The following COL22A1 variants were observed in gnomAD, a reference collection of about 807,000 sequenced individuals.
COL22A1 encodes the protein collagen alpha-1(XXII) chain.
In COL22A1, 221 loss-of-function variants were observed where a neutral mutation model predicts 248.9. That is an observed-to-expected ratio of 0.89 (90% CI 0.80 to 0.99). The LOEUF is 0.99. COL22A1 is among the 50% of genes least tolerant of loss of function. COL22A1 has a pLI of 0.00. For missense variants in COL22A1, 2,240 were observed against 2,179.0 expected (o/e 1.03, Z -0.56); for synonymous variants, 891 against 793.4 (o/e 1.12, Z -2.07).
intron 30 of COL22A1, among the ~76,000 whole-genome samples, chr8:138,714,230 CGT>C (rs1586546480): frequency 1.3e-5 from 2 of 152,112 alleles, no homozygotes; most frequent in Non-Finnish European, 1.5e-5. Flanking sequence ...GTAGGTTAGG[CGT>C]GTATCAAAAT....
intron 3 of COL22A1, among the ~76,000 whole-genome samples, chr8:138,868,614 G>C (rs1013576770): frequency 6.6e-6 from 1 of 152,184 alleles, no homozygotes; most frequent in Non-Finnish European, 1.5e-5. Flanking sequence ...TACATCATGT[G>C]TGTAAATGTA....
intron 12 of COL22A1, among the ~76,000 whole-genome samples, chr8:138,791,033 T>A (rs1410081898): frequency 6.6e-6 from 1 of 152,210 alleles, no homozygotes; most frequent in African/African-American, 2.4e-5. Context: ...CCTTTTACAA[T>A]GAAATCAATC....
intron 3 of COL22A1, among the ~76,000 whole-genome samples, chr8:138,873,867 G>T (rs959557217): frequency 6.6e-6 from 1 of 152,212 alleles, no homozygotes; most frequent in African/African-American, 2.4e-5. Context: ...GAATGAATGA[G>T]TGAGTTGGAT....
At chr8:138,692,326 G>T in intron 35 of COL22A1, among the ~76,000 whole-genome samples, 1 of 26,534 alleles carries the variant, frequency 3.8e-5, no homozygotes, top group East Asian at 9.5e-4. Context: ...GCATGCGTGT[G>T]CATGTTTGTG....
At chr8:138,592,721 T>G (rs964363352) in intron 63 of COL22A1, among the ~76,000 whole-genome samples, 1 of 142,932 alleles carries the variant, frequency 7.0e-6, no homozygotes, top group African/African-American at 3.0e-5. Flanking sequence ...CCCTGCCCCA[T>G]GCTTATTCCT....
intron 7 of COL22A1, among the ~76,000 whole-genome samples, chr8:138,813,772 C>T (rs1416807793): frequency 2.6e-5 from 4 of 152,044 alleles, no homozygotes; most frequent in South Asian, 4.1e-4. Flanking sequence ...CTCTGCCCTC[C>T]GCTCCGCACA....
chr8:138,593,626 G>A (rs1817274448), intron 63 of COL22A1, among the ~76,000 whole-genome samples: 1 of 152,046 alleles, frequency 6.6e-6, no homozygotes, highest in Non-Finnish European at 1.5e-5. Context: ...TGAGACCTGG[G>A]CAGTTAACAG....
At chr8:138,646,504 C>T (rs4909439) in intron 47 of COL22A1, 125 bp downstream of exon 47, 562,945 of 667,384 alleles carry the variant, frequency 0.84, 238,659 homozygotes, top group Middle Eastern at 0.88. Context: ...TGCTTAGACC[C>T]AGAACAGGGG....
intron 12 of COL22A1, among the ~76,000 whole-genome samples, chr8:138,790,574 A>G (rs980752508): frequency 2.0e-5 from 3 of 152,178 alleles, no homozygotes; most frequent in Non-Finnish European, 2.9e-5. Flanking sequence ...CCTCCAAGCA[A>G]TCTTCTTATA....
At chr8:138,782,322 A>G (rs1815085900) in intron 12 of COL22A1, among the ~76,000 whole-genome samples, 2 of 152,200 alleles carry the variant, frequency 1.3e-5, no homozygotes, top group Admixed American at 1.3e-4. Flanking sequence ...GGCTCAAGCA[A>G]TCCTCCCACC....
intron 1 of COL22A1, among the ~76,000 whole-genome samples, chr8:138,908,343 G>T (rs1333252900): frequency 1.3e-5 from 2 of 152,114 alleles, no homozygotes; most frequent in Non-Finnish European, 2.9e-5. Flanking sequence ...TTAAGTTGGG[G>T]GATAAGAACT....
At chr8:138,835,365 G>A (rs1188676558) in intron 4 of COL22A1, among the ~76,000 whole-genome samples, 3 of 152,198 alleles carry the variant, frequency 2.0e-5, no homozygotes, top group Non-Finnish European at 2.9e-5. Context: ...CCTCCAAACC[G>A]TGCTTGTTTA....
At chr8:138,708,866 G>A (rs1828707803) in intron 30 of COL22A1, among the ~76,000 whole-genome samples, 2 of 152,264 alleles carry the variant, frequency 1.3e-5, no homozygotes, top group South Asian at 2.1e-4. Flanking sequence ...CAGAATGGGA[G>A]AAAATTTTCA....
At chr8:138,711,879 T>C (rs1274659822) in intron 30 of COL22A1, among the ~76,000 whole-genome samples, 1 of 152,218 alleles carries the variant, frequency 6.6e-6, no homozygotes, top group Non-Finnish European at 1.5e-5. Flanking sequence ...TGTGGCATTC[T>C]GTGCTAAGAG....
At chr8:138,690,674 A>G (rs772716856) in intron 36 of COL22A1, 147 bp downstream of exon 36, 1 of 575,090 alleles carries the variant, frequency 1.7e-6, no homozygotes, top group Non-Finnish European at 2.9e-6. Flanking sequence ...TGGGTGGTCT[A>G]TGTCAGGACA....
intron 47 of COL22A1, among the ~76,000 whole-genome samples, chr8:138,644,054 T>G (rs1821985755): frequency 1.3e-5 from 2 of 152,174 alleles, no homozygotes; most frequent in East Asian, 3.9e-4. Flanking sequence ...AGTGCTGGGA[T>G]TACAGGTGGT....
At chr8:138,650,585 C>T (rs1822623011) in intron 45 of COL22A1, among the ~76,000 whole-genome samples, 1 of 152,120 alleles carries the variant, frequency 6.6e-6, no homozygotes, top group South Asian at 2.1e-4. Flanking sequence ...CTCTAATCCT[C>T]CCTCTCATCC....
chr8:138,702,717 C>A (rs1828067740), intron 31 of COL22A1, among the ~76,000 whole-genome samples: 1 of 152,008 alleles, frequency 6.6e-6, no homozygotes. Flanking sequence ...ATTTATAATG[C>A]ACCAGAAACT....
At chr8:138,660,921 C>T (rs1376386766) in intron 43 of COL22A1, among the ~76,000 whole-genome samples, 13 of 82,142 alleles carry the variant, frequency 1.6e-4, no homozygotes, top group Non-Finnish European at 2.8e-4. Context: ...CACAGACACA[C>T]ACACAGACAC....
Sources: gnomAD v4.1 joint callset for allele counts (sites outside exome capture counted in the v4.1 genomes callset) on GRCh38, gnomAD v4.1.1 for gene constraint, MANE v1.5 for transcripts, NCBI Gene and HGNC (gene_info 2026-07-23, HGNC 2026-07-21) for gene names.